The following SPICE1 variants were observed in gnomAD, a reference collection of about 807,000 sequenced individuals.
The protein encoded by SPICE1 is spindle and centriole associated protein 1, also known as spindle and centriole-associated protein 1.
In SPICE1, 75 loss-of-function variants were observed where a neutral mutation model predicts 102.7. The ratio of observed to expected loss-of-function variants is 0.73; its 90% CI spans 0.61 to 0.88. The LOEUF is 0.88. SPICE1 is among the 40% of genes least tolerant of loss of function. The pLI, the probability that SPICE1 is intolerant of heterozygous loss-of-function variation, is 0.00. For synonymous variants in SPICE1, 308 were observed against 350.3 expected (o/e 0.88, Z 1.35); for missense variants, 979 against 1,020.1 (o/e 0.96, Z 0.55).
At position 113,494,027 on chromosome 3, in the gene SPICE1, A is replaced by C. The variant is rs756204006; in HGVS notation, c.385+22T>G. ...TGGGCTACAGTTAATAAAATAGAGA[A>C]GCTTTTGTTTGAATTGAATACCTGT... On this transcript the variant is annotated intron_variant, in intron 5 of 17. Transcript: ENST00000295872. The C allele has an allele frequency of 2.6e-6, 4 of 1,530,106 alleles. No homozygotes were observed. In the African/African-American group the frequency reaches 5.5e-5, roughly 21 times the overall value. The allele number at this position is 1,530,106 out of a possible 1,614,324, so 94.8% of individuals were successfully genotyped here.
intron 7 of SPICE1, among the ~76,000 whole-genome samples, chr3:113,481,153 C>T (rs189474225): frequency 1.5e-3 from 225 of 152,104 alleles, no homozygotes; most frequent in African/African-American, 5.2e-3. Flanking sequence ...CCTAGGAACC[C>T]CTAGAAAATC....
intron 7 of SPICE1, among the ~76,000 whole-genome samples, chr3:113,471,816 T>C (rs955552779): frequency 1.3e-5 from 2 of 151,988 alleles, no homozygotes; most frequent in African/African-American, 4.8e-5. Flanking sequence ...GCAGCCAAGG[T>C]GGCCGAATAG....
At chr3:113,454,317 T>A (rs1169419062) in intron 13 of SPICE1, among the ~76,000 whole-genome samples, 1 of 152,176 alleles carries the variant, frequency 6.6e-6, no homozygotes, top group Non-Finnish European at 1.5e-5. Flanking sequence ...GTAAAATTTT[T>A]AAATGATTAC....
intron 15 of SPICE1, chr3:113,449,070 G>T (rs113843573): frequency 2.0e-5 from 3 of 152,258 alleles, no homozygotes; most frequent in African/African-American, 7.2e-5. Context: ...TCCTCTTAAA[G>T]TATGTTGAGG....
At chr3:113,498,934 G>A (rs1019282334) in intron 4 of SPICE1, 2 of 152,364 alleles carry the variant, frequency 1.3e-5, no homozygotes, top group African/African-American at 2.4e-5. Flanking sequence ...TTACTCAGTT[G>A]GACAAGCATA....
chr3:113,448,383 C>T (rs1396873876), intron 15 of SPICE1, among the ~76,000 whole-genome samples: 1 of 150,834 alleles, frequency 6.6e-6, no homozygotes, highest in South Asian at 2.1e-4. Context: ...AATCTTCAGA[C>T]AAGTGGCATC....
chr3:113,454,883 A>T (rs1935745517), intron 13 of SPICE1, among the ~76,000 whole-genome samples: 1 of 152,142 alleles, frequency 6.6e-6, no homozygotes, highest in Non-Finnish European at 1.5e-5. Flanking sequence ...GACTTCAAAA[A>T]CCAGAACCTT....
At chr3:113,471,213 G>C (rs1229309484) in intron 7 of SPICE1, among the ~76,000 whole-genome samples, 1 of 152,168 alleles carries the variant, frequency 6.6e-6, no homozygotes, top group Non-Finnish European at 1.5e-5. Flanking sequence ...TGGCAAAAAA[G>C]GGGTAGGGGA....
At chr3:113,513,037 C>A (rs1025685639) in intron 1 of SPICE1, among the ~76,000 whole-genome samples, 4 of 152,174 alleles carry the variant, frequency 2.6e-5, no homozygotes, top group African/African-American at 9.7e-5. Flanking sequence ...ACCTCACCAA[C>A]TCCCTTGAGC....
intron 7 of SPICE1, 93 bp downstream of exon 7, chr3:113,488,852 T>C: frequency 1.4e-6 from 1 of 700,496 alleles, no homozygotes; most frequent in African/African-American, 1.8e-5. Context: ...AAAAATAAAC[T>C]CCCATTTAAT....
intron 12 of SPICE1, 112 bp downstream of exon 12, chr3:113,460,505 C>T: frequency 6.8e-7 from 1 of 1,461,664 alleles, no homozygotes; most frequent in Non-Finnish European, 9.0e-7. Context: ...CAATACTGTA[C>T]ATGCATAAAC....
intron 9 of SPICE1, among the ~76,000 whole-genome samples, 157 bp downstream of exon 9, chr3:113,468,605 T>C (rs1287038823): frequency 1.3e-5 from 2 of 152,242 alleles, no homozygotes; most frequent in African/African-American, 2.4e-5. Context: ...GTTCCAGAGT[T>C]ACATGTGGTA....
intron 6 of SPICE1, among the ~76,000 whole-genome samples, chr3:113,491,346 C>T (rs951860687): frequency 1.3e-5 from 2 of 152,050 alleles, no homozygotes; most frequent in African/African-American, 4.8e-5. Context: ...GCAGGCCGGG[C>T]GTGGTGGCTC....
rs1935483922 is a variant in SPICE1 at position 113,445,164 on chromosome 3, C to T, written c.*143G>A. ...ATTTGAGAAAGTCAAAAAATAATTG[C>T]TTTATTTCTCTGTTTCATTAGTACT... is the stretch of plus-strand genomic sequence containing the variant. On this transcript the variant is annotated 3_prime_UTR_variant, in exon 18 of 18. Transcript: ENST00000295872. 1.8e-6 allele frequency: 1 copy of T among 563,176 alleles called. No homozygotes were observed. The highest frequency in any genetic ancestry group is 2.9e-6 in the Non-Finnish European group (1 of 341,670). 34.9% of individuals were successfully genotyped at this position (563,176 alleles called of 1,614,324 possible). A position where few individuals can be genotyped will look rare whatever the true frequency, so the allele number is the denominator to read the frequency against.
intron 7 of SPICE1, among the ~76,000 whole-genome samples, chr3:113,482,854 G>C (rs1559968883): frequency 6.6e-6 from 1 of 152,160 alleles, no homozygotes; most frequent in Admixed American, 6.5e-5. Context: ...CTCCAGCTTT[G>C]TTCTTTTTGC....
At chr3:113,494,270 T>C in intron 4 of SPICE1, 128 bp from the exon 5 acceptor site, 1 of 587,256 alleles carries the variant, frequency 1.7e-6, no homozygotes, top group Non-Finnish European at 2.9e-6. Flanking sequence ...AAACCTTCAG[T>C]AGCAATATCC....
In SPICE1 at chr3:113,499,532, C is replaced by T; in HGVS notation, c.198G>A (p.Trp66Ter). ...HKSKNRALVH[W>*]ELQEKALKRK... ...TCTTCAAAGCTTTTTCTTGGAGTTC[C>T]CAGTGTACTAATGCTCTATTCTTCG... The change falls in exon 4 of 18, where the codon TGG becomes TGA. Residue 66 changes from tryptophan (W) to a stop codon, truncating the protein, a stop_gained. Transcript: ENST00000295872. LOFTEE classifies it high-confidence loss of function. The T allele has an allele frequency of 6.2e-7, 1 of 1,613,100 alleles. No homozygotes were observed. The highest frequency in any genetic ancestry group is 8.5e-7 in the Non-Finnish European group (1 of 1,179,684).
chr3:113,489,138 A>G (rs1404541238), intron 6 of SPICE1, 75 bp from the exon 7 acceptor site: 18 of 924,378 alleles, frequency 1.9e-5, no homozygotes, highest in Non-Finnish European at 2.9e-5. Context: ...TTTTTCTGTC[A>G]TAACAGAAGA....
At chr3:113,491,410 G>C (rs1936761896) in intron 6 of SPICE1, among the ~76,000 whole-genome samples, 1 of 151,738 alleles carries the variant, frequency 6.6e-6, no homozygotes, top group Non-Finnish European at 1.5e-5. Context: ...CACAAGGTCA[G>C]GAGATCGAGA....
Sources: gnomAD v4.1 joint callset for allele counts (sites outside exome capture counted in the v4.1 genomes callset) on GRCh38, gnomAD v4.1.1 for gene constraint, MANE v1.5 for transcripts, NCBI Gene and HGNC (gene_info 2026-07-23, HGNC 2026-07-21) for gene names.